BEND7: variants seen among roughly 807,000 people sequenced by gnomAD.
BEND7 encodes the protein BEN domain containing 7.
BEND7 carries 28 observed loss-of-function variants against 50.9 expected under a neutral mutation model. The observed-to-expected ratio is 0.55, with a 90% CI of 0.41 to 0.75. BEND7 has a LOEUF of 0.75. BEND7 is among the 30% of genes least tolerant of loss of function. The pLI is 0.00. For synonymous variants in BEND7, 170 were observed against 183.9 expected, an observed-to-expected ratio of 0.92 and a Z score of 0.61; for missense variants, 477 against 491.3, an observed-to-expected ratio of 0.97 and a Z score of 0.28.
intron 6 of BEND7, among the ~76,000 whole-genome samples, chr10:13,454,727 A>G (rs1478316854): frequency 6.6e-6 from 1 of 152,132 alleles, no homozygotes; most frequent in Non-Finnish European, 1.5e-5. Flanking sequence ...TTTTTCCTGA[A>G]TATTTTCAAT....
chr10:13,444,850 T>C (rs1043639032), intron 8 of BEND7: 1 of 152,314 alleles, frequency 6.6e-6, no homozygotes, highest in South Asian at 2.1e-4. Context: ...AGTCTCGCTC[T>C]GTCACCCAAG....
At chr10:13,503,013 C>T in intron 2 of BEND7, 2 of 867,808 alleles carry the variant, frequency 2.3e-6, no homozygotes, top group Middle Eastern at 1.2e-3. Context: ...GAAGGCGTCA[C>T]AAGGATTCTG....
chr10:13,512,820 A>G (rs1237464941), intron 2 of BEND7, among the ~76,000 whole-genome samples: 2 of 152,214 alleles, frequency 1.3e-5, no homozygotes, highest in Non-Finnish European at 2.9e-5. Context: ...TCACATTCAC[A>G]ATGGCTTTTT....
chr10:13,473,401 C>T (rs2075098090), intron 6 of BEND7, among the ~76,000 whole-genome samples: 1 of 150,998 alleles, frequency 6.6e-6, no homozygotes, highest in Admixed American at 6.6e-5. Context: ...TATCCATCAT[C>T]GCTGTTGGAC....
intron 2 of BEND7, among the ~76,000 whole-genome samples, chr10:13,505,540 C>G (rs1392350009): frequency 1.3e-5 from 2 of 152,214 alleles, no homozygotes; most frequent in African/African-American, 4.8e-5. Flanking sequence ...GTGTGCTACC[C>G]TCCCCGGGGT....
intron 6 of BEND7, among the ~76,000 whole-genome samples, chr10:13,461,987 C>T (rs1238078437): frequency 6.6e-6 from 1 of 152,124 alleles, no homozygotes; most frequent in East Asian, 1.9e-4. Flanking sequence ...GAAACACATA[C>T]AATGACCCAG....
At chr10:13,503,917 T>A (rs1233489509) in intron 2 of BEND7, among the ~76,000 whole-genome samples, 1 of 152,042 alleles carries the variant, frequency 6.6e-6, no homozygotes, top group East Asian at 1.9e-4. Flanking sequence ...TGAGTCACAC[T>A]CTCTTCACCC....
rs1350072426 is a variant in BEND7 at position 13,528,632 on chromosome 10, G to A, written c.-99C>T. ...CGGCGGCGCGGGCTCGTGTCACCGC[G>A]GCGGAGCCGCCGGGACCAAGGTCCG... On this transcript the variant is annotated 5_prime_UTR_variant, in exon 1 of 9. Coordinates refer to ENST00000466271, the MANE Select transcript of BEND7 (RefSeq NM_001369863.1). 5.1e-6 allele frequency: 3 copies of A among 590,520 alleles called. No homozygotes were observed. The African/African-American group carries it at 6.3e-5, about 12-fold the overall frequency. 36.6% of individuals were successfully genotyped at this position (590,520 alleles called of 1,614,324 possible). A position where few individuals can be genotyped will look rare whatever the true frequency, so the allele number is the denominator to read the frequency against.
chr10:13,503,945 T>G (rs113619710), intron 2 of BEND7, among the ~76,000 whole-genome samples: 11 of 152,190 alleles, frequency 7.2e-5, no homozygotes, highest in African/African-American at 2.4e-4. Flanking sequence ...CAGAAGCAGC[T>G]GAGCAGGTCA....
At chr10:13,460,167 G>A (rs17153301) in intron 6 of BEND7, 10,445 of 153,066 alleles carry the variant, frequency 0.068, 1,043 homozygotes, top group African/African-American at 0.22. Context: ...GAACTGTGAG[G>A]AGCCAGCAAA....
At chr10:13,504,922 G>C (rs974477562) in intron 2 of BEND7, among the ~76,000 whole-genome samples, 1 of 152,116 alleles carries the variant, frequency 6.6e-6, no homozygotes, top group African/African-American at 2.4e-5. Flanking sequence ...ATGACACATA[G>C]TCTTGCAGGA....
At chr10:13,439,207 A>G, downstream of BEND7, 1 of 1,614,090 alleles carries the variant, frequency 6.2e-7, no homozygotes, top group Non-Finnish European at 8.5e-7. Context: ...AGGGTAAGAG[A>G]CTTGGCTGAG....
rs117124269 is a variant in BEND7 at position 13,448,090 on chromosome 10, G to A, written c.1184-774C>T. Among the ~76,000 whole-genome samples the A allele has an allele frequency of 1.1e-4, 16 of 152,232 alleles. No individual in the cohort carries two copies. The East Asian group carries it at 2.5e-3, about 24-fold the overall frequency. ...ACGTGGTCATGAAGAAGGAATAGGC[G>A]TTGCTTCAAAAGATTCTCCATTTCT... On this transcript the variant is annotated intron_variant, in intron 7 of 8. Coordinates refer to ENST00000466271, the MANE Select transcript of BEND7 (RefSeq NM_001369863.1).
intron 2 of BEND7, among the ~76,000 whole-genome samples, chr10:13,504,208 T>G (rs922576599): frequency 1.3e-5 from 2 of 152,092 alleles, no homozygotes; most frequent in African/African-American, 4.8e-5. Context: ...GCTCGTTGAG[T>G]GTGGTGCAGT....
At chr10:13,490,893 T>A (rs2076607253) in intron 5 of BEND7, among the ~76,000 whole-genome samples, 1 of 152,006 alleles carries the variant, frequency 6.6e-6, no homozygotes, top group Admixed American at 6.6e-5. Flanking sequence ...AACCTCTGCC[T>A]CCTGGGTTCA....
intron 6 of BEND7, among the ~76,000 whole-genome samples, chr10:13,464,750 G>A (rs369887481): frequency 5.8e-4 from 89 of 152,278 alleles, no homozygotes; most frequent in South Asian, 3.3e-3. Flanking sequence ...GACAAATGTC[G>A]TTCTTCAGTC....
chr10:13,471,875 G>A (rs1395143250), intron 6 of BEND7, among the ~76,000 whole-genome samples: 2 of 152,198 alleles, frequency 1.3e-5, no homozygotes, highest in Admixed American at 6.5e-5. Context: ...TAGAATTGGG[G>A]TCAATACCCA....
chr10:13,486,710 T>C (rs2076250077), intron 5 of BEND7, among the ~76,000 whole-genome samples: 2 of 152,240 alleles, frequency 1.3e-5, no homozygotes, highest in African/African-American at 4.8e-5. Context: ...GAGCTAAGCA[T>C]TTAATTTTAG....
Position 13,474,758 on chromosome 10 carries a change from T to C in BEND7, c.1063+6141A>G, listed in dbSNP as rs146050316. Among the ~76,000 whole-genome samples the C allele has an allele frequency of 5.7e-4, 87 of 152,094 alleles. 2 individuals are homozygous for C. The South Asian group carries it at 0.01, about 18-fold the overall frequency. ...CGATACCCATCATCGCTGTTAGACT[T>C]GGGTTGATACCCATCATCAGTGTTG... is the stretch of plus-strand genomic sequence containing the variant. On this transcript the variant is annotated intron_variant, in intron 6 of 8. Coordinates refer to ENST00000466271, the MANE Select transcript of BEND7 (RefSeq NM_001369863.1).
Sources: allele counts gnomAD v4.1 joint callset (sites outside exome capture counted in the v4.1 genomes callset), GRCh38; gene constraint gnomAD v4.1.1; transcripts MANE v1.5; gene names NCBI Gene and HGNC (gene_info 2026-07-23, HGNC 2026-07-21).